The following JPH3 variants were observed in gnomAD, a reference collection of about 807,000 sequenced individuals.
JPH3 encodes junctophilin-3.
JPH3 carries 11 observed loss-of-function variants against 59.6 expected under a neutral mutation model. That is an observed-to-expected ratio of 0.18 (90% CI 0.12 to 0.31). The LOEUF is 0.31. Ranked by LOEUF, JPH3 falls within the 10% of genes least tolerant of loss-of-function variation. JPH3 has a pLI of 1.00. For synonymous variants in JPH3, 673 were observed against 483.6 expected (o/e 1.39, Z -5.14); for missense variants, 1,202 against 1,105.7 (o/e 1.09, Z -1.24).
intron 1 of JPH3, among the ~76,000 whole-genome samples, chr16:87,626,288 G>A (rs1013611746): frequency 1.3e-5 from 2 of 152,138 alleles, no homozygotes; most frequent in African/African-American, 4.8e-5. Flanking sequence ...ACTACCCCAG[G>A]CCGCACAGTT....
chr16:87,633,469 C>G, intron 1 of JPH3, among the ~76,000 whole-genome samples: 1 of 150,134 alleles, frequency 6.7e-6, no homozygotes, highest in Non-Finnish European at 1.5e-5. Flanking sequence ...TTCAGAACTC[C>G]ACTAAGATTA....
chr16:87,613,215 G>A lies in JPH3; in HGVS notation c.382+9687G>A, dbSNP rs553049375. Among the ~76,000 whole-genome samples the A allele has an allele frequency of 1.1e-4, 17 of 148,894 alleles. No homozygotes were observed. In the South Asian group the frequency reaches 3.8e-3, roughly 33 times the overall value. On this transcript the variant is annotated intron_variant, in intron 1 of 4. Coordinates refer to ENST00000284262, the MANE Select transcript of JPH3 (RefSeq NM_020655.4). ...GGATTCACGCCATTCTCCTGCCTCAGCCTCCCGAGTAGCTGGGACTACAGG... is the reference window on the plus strand; with the variant it reads ...GGATTCACGCCATTCTCCTGCCTCAACCTCCCGAGTAGCTGGGACTACAGG...
chr16:87,609,748 C>A (rs2030663771), intron 1 of JPH3, among the ~76,000 whole-genome samples: 1 of 152,208 alleles, frequency 6.6e-6, no homozygotes, highest in Admixed American at 6.5e-5. Flanking sequence ...ATTCTCTTTA[C>A]ATCTGCCTCA....
At chr16:87,641,120 A>T (rs2031936175) in intron 1 of JPH3, among the ~76,000 whole-genome samples, 1 of 152,134 alleles carries the variant, frequency 6.6e-6, no homozygotes, top group Admixed American at 6.5e-5. Flanking sequence ...GCCCATCACA[A>T]CTGCCCCCAG....
At position 87,603,202 on chromosome 16, in the gene JPH3, G is replaced by T; in HGVS notation, c.56G>T (p.Trp19Leu). 1.2e-6 allele frequency: 2 copies of T among 1,613,976 alleles called. No individual in the cohort carries two copies. Among genetic ancestry groups the T allele is most frequent in the Non-Finnish European group, 1.7e-6 (2 of 1,179,944 alleles). The change falls in exon 1 of 5, where the codon TGG (tryptophan) becomes TTG (leucine). Residue 19 changes from tryptophan to leucine, a missense_variant. By Grantham distance (61) the Trp-to-Leu change is moderately conservative. Coordinates refer to ENST00000284262, the MANE Select transcript of JPH3 (RefSeq NM_020655.4). The stretch of plus-strand genomic sequence containing the variant: ...GACGGAGGGTCCTACTGTGGAGGCT[G>T]GGAGGACGGCAAGGCGCACGGCCAT... ...FDDGGSYCGG[W>L]EDGKAHGHGV...
At chr16:87,613,173 T>G (rs1306649964) in intron 1 of JPH3, among the ~76,000 whole-genome samples, 1 of 143,486 alleles carries the variant, frequency 7.0e-6, no homozygotes, top group Non-Finnish European at 1.5e-5. Flanking sequence ...CTCGGCTCAC[T>G]GCAAGCTCCG....
rs183515054 is a variant in JPH3 at position 87,690,005 on chromosome 16, G to C, written c.1645G>C (p.Gly549Arg). The C allele has an allele frequency of 1.3e-6, 2 of 1,511,802 alleles. No individual in the cohort carries two copies. Among genetic ancestry groups the C allele is most frequent in the Non-Finnish European group, 1.8e-6 (2 of 1,129,644 alleles). The allele number at this position is 1,511,802 out of a possible 1,614,324, so 93.6% of individuals were successfully genotyped here. The change falls in exon 4 of 5, where the codon GGC (glycine) becomes CGC (arginine). Residue 549 changes from glycine to arginine, a missense_variant. Physicochemically the swap from Gly to Arg is moderately radical, Grantham distance 125. Coordinates refer to ENST00000284262, the MANE Select transcript of JPH3 (RefSeq NM_020655.4). ...SRGVRSGALR[G>R]GLLVDDFRTR... is the part of the protein sequence containing the mutation. The stretch of plus-strand genomic sequence containing the variant: ...GGGTGTCCGCAGCGGTGCCCTGCGC[G>C]GCGGCCTGCTCGTGGATGACTTCCG...
chr16:87,628,874 A>G (rs1397593053), intron 1 of JPH3, among the ~76,000 whole-genome samples: 1 of 151,970 alleles, frequency 6.6e-6, no homozygotes, highest in Admixed American at 6.6e-5. Context: ...GTTCATTGGG[A>G]GTCACTGTGC....
chr16:87,643,261 C>T (rs1210584023), intron 1 of JPH3, among the ~76,000 whole-genome samples: 1 of 152,196 alleles, frequency 6.6e-6, no homozygotes, highest in African/African-American at 2.4e-5. Flanking sequence ...ATCGTATGGA[C>T]GGACCGCATG....
At chr16:87,635,233 A>T (rs1462053388) in intron 1 of JPH3, among the ~76,000 whole-genome samples, 1 of 151,972 alleles carries the variant, frequency 6.6e-6, no homozygotes, top group Non-Finnish European at 1.5e-5. Context: ...TGCTCTTTGG[A>T]GGTGTTGACC....
At chr16:87,616,364 G>T (rs1158530064) in intron 1 of JPH3, among the ~76,000 whole-genome samples, 4 of 151,198 alleles carry the variant, frequency 2.6e-5, no homozygotes, top group African/African-American at 4.9e-5. Flanking sequence ...CTCCCGAGTA[G>T]CTGGGACTAC....
At chr16:87,662,506 G>A (rs1265539838) in intron 2 of JPH3, among the ~76,000 whole-genome samples, 2 of 152,172 alleles carry the variant, frequency 1.3e-5, no homozygotes, top group South Asian at 4.1e-4. Flanking sequence ...GTAGTGTCCT[G>A]ATTTGTTTTC....
intron 2 of JPH3, among the ~76,000 whole-genome samples, chr16:87,667,265 A>G (rs556474528): frequency 2.6e-5 from 4 of 152,326 alleles, no homozygotes; most frequent in African/African-American, 9.6e-5. Flanking sequence ...CCTCTTCTCA[A>G]GAGCCGTACC....
intron 1 of JPH3, among the ~76,000 whole-genome samples, chr16:87,636,914 G>A (rs532132553): frequency 5.5e-4 from 84 of 152,318 alleles, no homozygotes; most frequent in Non-Finnish European, 9.7e-4. Flanking sequence ...GCCATAGTAC[G>A]CGCAGCGCAG....
chr16:87,622,874 C>G (rs2031240364), intron 1 of JPH3, among the ~76,000 whole-genome samples: 1 of 152,160 alleles, frequency 6.6e-6, no homozygotes. Flanking sequence ...CCTCTGGTCA[C>G]CCTTCCAGGG....
chr16:87,681,910 T>C (rs1399248172), intron 2 of JPH3, among the ~76,000 whole-genome samples: 1 of 152,204 alleles, frequency 6.6e-6, no homozygotes, highest in Non-Finnish European at 1.5e-5. Flanking sequence ...GCTAGCTGTG[T>C]TCAGGCCGCG....
At chr16:87,666,569 A>G (rs1207171409) in intron 2 of JPH3, among the ~76,000 whole-genome samples, 3 of 150,352 alleles carry the variant, frequency 2.0e-5, no homozygotes, top group African/African-American at 7.4e-5. Flanking sequence ...TTTTCTTTAA[A>G]ATTTTTTTGT....
Position 87,638,486 on chromosome 16 carries a change from A to G in JPH3, c.383-5772A>G, listed in dbSNP as rs573356219. The stretch of plus-strand genomic sequence containing the variant: ...TGATCCACAGACCAGGACTGTACAG[A>G]GCACTTGAAGGGGCGGCCTCAAGAA... On this transcript the variant is annotated intron_variant, in intron 1 of 4. Coordinates refer to ENST00000284262, the MANE Select transcript of JPH3 (RefSeq NM_020655.4). Among the ~76,000 whole-genome samples the G allele has an allele frequency of 2.0e-5, 3 of 152,172 alleles. No homozygotes were observed. In the South Asian group the frequency reaches 6.2e-4, roughly 32 times the overall value.
Position 87,690,427 on chromosome 16 carries a change from G to T in JPH3, c.2067G>T (p.Arg689=). Residue 689 remains arginine (R), a synonymous_variant, in exon 4 of 5, where the codon CGG becomes CGT. Transcript: ENST00000284262. ...TGCGGCTGGGCGGGGCCGAGCCCCG[G>T]TTGCTGCGTTGGGACTTGACCTTCT... is the stretch of plus-strand genomic sequence containing the variant. ...ASLRLGGAEP[R]LLRWDLTFSP... 2 of 1,498,426 alleles carry T rather than the reference G, an allele frequency of 1.3e-6. No individual in the cohort carries two copies. The highest frequency in any genetic ancestry group is 2.4e-5 in the East Asian group (1 of 41,890). 92.8% of individuals were successfully genotyped at this position (1,498,426 alleles called of 1,614,324 possible).
Sources: gnomAD v4.1 joint callset for allele counts (sites outside exome capture counted in the v4.1 genomes callset) on GRCh38, gnomAD v4.1.1 for gene constraint, MANE v1.5 for transcripts, NCBI Gene and HGNC (gene_info 2026-07-23, HGNC 2026-07-21) for gene names.